Variants in KIAA1671 observed in about 807,000 individuals in gnomAD.
The protein encoded by KIAA1671 is uncharacterized protein KIAA1671.
A neutral mutation model predicts 131.2 loss-of-function variants in KIAA1671; 52 were observed. That is an observed-to-expected ratio of 0.40 (90% CI 0.32 to 0.50). The LOEUF is 0.50. KIAA1671 is among the 20% of genes least tolerant of loss of function. The pLI is 0.73. For synonymous variants in KIAA1671, 1,003 were observed against 961.6 expected, an observed-to-expected ratio of 1.04 and a Z score of -0.80; for missense variants, 2,360 against 2,364.2, an observed-to-expected ratio of 1.00 and a Z score of 0.04.
chr22:25,042,613 C>T (rs1927000400), intron 5 of KIAA1671, among the ~76,000 whole-genome samples: 2 of 151,744 alleles, frequency 1.3e-5, no homozygotes, highest in South Asian at 2.1e-4. Flanking sequence ...ATTACAGGAG[C>T]CCGCCATCAT....
chr22:25,041,352 G>A lies in KIAA1671; in HGVS notation c.4222G>A (p.Ala1408Thr). ...CGRVPLDIKR[A>T]YSEKGPPANI... ...ACGGGTGCCGCTGGATATCAAGAGG[G>A]CCTACTCAGAGAAGGGGCCCCCTGC... is the stretch of plus-strand genomic sequence containing the variant. The change falls in exon 5 of 13, where the codon GCC becomes ACC. Residue 1408 changes from alanine to threonine, a missense_variant. By Grantham distance (58) the Ala-to-Thr change is moderately conservative. Coordinates refer to ENST00000358431, the MANE Select transcript of KIAA1671 (RefSeq NM_001145206.2). 1 of 1,551,710 alleles carries A rather than the reference G, an allele frequency of 6.4e-7. No homozygotes were observed. Among genetic ancestry groups the A allele is most frequent in the Non-Finnish European group, 8.7e-7 (1 of 1,147,010 alleles).
Position 25,041,380 on chromosome 22 carries a change from A to G in KIAA1671, c.4250A>G (p.Asn1417Ser). 3 of 1,551,730 alleles carry G rather than the reference A, an allele frequency of 1.9e-6. No individual in the cohort carries two copies. The highest frequency in any genetic ancestry group is 1.2e-5 in the South Asian group (1 of 84,064). ...TACTCAGAGAAGGGGCCCCCTGCCA[A>G]CATCCGAGAGGGCCTGTCCATCATG... ...RAYSEKGPPA[N>S]IREGLSIMHE... Residue 1417 changes from asparagine to serine, a missense_variant, in exon 5 of 13, where the codon AAC becomes AGC. By Grantham distance (46) the Asn-to-Ser change is conservative. Coordinates refer to ENST00000358431, the MANE Select transcript of KIAA1671 (RefSeq NM_001145206.2).
chr22:25,126,002 G>A (rs1391019853), intron 6 of KIAA1671, among the ~76,000 whole-genome samples: 2 of 152,210 alleles, frequency 1.3e-5, no homozygotes, highest in Admixed American at 6.5e-5. Context: ...TCAGTTCACG[G>A]AGTTGTTACG....
At chr22:25,093,752 C>CTCTCTCTCTT (rs1930191478) in intron 6 of KIAA1671, among the ~76,000 whole-genome samples, 1 of 54,352 alleles carries the variant, frequency 1.8e-5, no homozygotes, top group African/African-American at 1.0e-4. Flanking sequence ...CTCTCTCTCT[C>CTCTCTCTCTT]TCTCTCTCTC....
chr22:24,958,265 A>T (rs1473730718), intron 1 of KIAA1671, among the ~76,000 whole-genome samples: 1 of 152,096 alleles, frequency 6.6e-6, no homozygotes, highest in Non-Finnish European at 1.5e-5. Context: ...CCTGTCTGTA[A>T]TCCCAGCGCT....
intron 1 of KIAA1671, among the ~76,000 whole-genome samples, chr22:24,957,068 T>C (rs1214211971): frequency 2.6e-5 from 4 of 152,156 alleles, no homozygotes; most frequent in Non-Finnish European, 2.9e-5. Flanking sequence ...TGAAGCAGTG[T>C]ATGGACAGTG....
chr22:25,026,574 C>T (rs912550962), intron 2 of KIAA1671, among the ~76,000 whole-genome samples: 213 of 152,148 alleles, frequency 1.4e-3, no homozygotes, highest in African/African-American at 5.0e-3. Flanking sequence ...CTACTAAAAC[C>T]ACAAAATTAC....
At chr22:24,990,242 C>T (rs954412632) in intron 1 of KIAA1671, among the ~76,000 whole-genome samples, 2 of 152,150 alleles carry the variant, frequency 1.3e-5, no homozygotes, top group African/African-American at 4.8e-5. Context: ...AGGCACCCGC[C>T]ATCATCCCTG....
chr22:25,104,191 C>T (rs1044746421), intron 6 of KIAA1671, among the ~76,000 whole-genome samples: 3 of 151,942 alleles, frequency 2.0e-5, no homozygotes, highest in Admixed American at 6.5e-5. Context: ...GTTGGCCAGG[C>T]TGGTCTCGAA....
intron 1 of KIAA1671, among the ~76,000 whole-genome samples, chr22:24,988,652 C>T (rs899315903): frequency 1.4e-5 from 2 of 147,980 alleles, no homozygotes; most frequent in Admixed American, 6.9e-5. Context: ...AAGAGAATCT[C>T]TTGAACCTGG....
chr22:25,158,984 G>T (rs1933342431), intron 6 of KIAA1671, among the ~76,000 whole-genome samples: 1 of 152,130 alleles, frequency 6.6e-6, no homozygotes, highest in Non-Finnish European at 1.5e-5. Flanking sequence ...CGCTTCTTAG[G>T]TGTTTGTGGC....
In KIAA1671 at chr22:25,195,870, T is replaced by C. The variant is rs914241728; in HGVS notation, c.*3469T>C. ...ACATTCTGTGGTCTCTGAATGTGCC[T>C]TCCCCCTCACCGTGTGTTAAAACAC... On this transcript the variant is annotated 3_prime_UTR_variant, in exon 13 of 13. Coordinates refer to ENST00000358431, the MANE Select transcript of KIAA1671 (RefSeq NM_001145206.2). 1 of 152,158 alleles carries C rather than the reference T, an allele frequency of 6.6e-6. No homozygotes were observed. Among genetic ancestry groups the C allele is most frequent in the Non-Finnish European group, 1.5e-5 (1 of 68,038 alleles). The allele number at this position is 152,158 out of a possible 1,614,324, so 9.4% of individuals were successfully genotyped here.
At chr22:25,079,180 GT>G (rs1825536767) in intron 6 of KIAA1671, among the ~76,000 whole-genome samples, 3 of 152,014 alleles carry the variant, frequency 2.0e-5, no homozygotes, top group South Asian at 4.2e-4. Context: ...TGTTCTAAAG[GT>G]TTGGGATACA....
rs569108157 is a variant in KIAA1671, at chr22:25,096,393, G to A, written c.4530+47029G>A. Among the ~76,000 whole-genome samples, 9 of 152,258 alleles carry A rather than the reference G, an allele frequency of 5.9e-5. No homozygotes were observed. In the East Asian group the frequency reaches 1.4e-3, roughly 23 times the overall value. On this transcript the variant is annotated intron_variant, in intron 6 of 12. Coordinates refer to ENST00000358431, the MANE Select transcript of KIAA1671 (RefSeq NM_001145206.2). ...GTAGCTGAGGAGCCTGGTCTCACTCGTCCTCAGCTACGTAGGAGTGGACAG... is the reference window on the plus strand; with the variant it reads ...GTAGCTGAGGAGCCTGGTCTCACTCATCCTCAGCTACGTAGGAGTGGACAG...
chr22:25,116,975 G>C (rs555766702), intron 6 of KIAA1671, among the ~76,000 whole-genome samples: 1 of 152,268 alleles, frequency 6.6e-6, no homozygotes, highest in African/African-American at 2.4e-5. Flanking sequence ...GATATATTGG[G>C]CTACATAATT....
At chr22:25,094,797 T>C (rs1930319103) in intron 6 of KIAA1671, among the ~76,000 whole-genome samples, 1 of 152,080 alleles carries the variant, frequency 6.6e-6, no homozygotes, top group Non-Finnish European at 1.5e-5. Flanking sequence ...CGACTTTGTG[T>C]TTTCATGAGC....
At chr22:24,957,895 C>G (rs1921799716) in intron 1 of KIAA1671, among the ~76,000 whole-genome samples, 1 of 150,286 alleles carries the variant, frequency 6.7e-6, no homozygotes, top group Non-Finnish European at 1.5e-5. Context: ...TCAGGCTGGT[C>G]TCGAACTCTC....
At chr22:25,154,316 A>T (rs994164794) in intron 6 of KIAA1671, among the ~76,000 whole-genome samples, 1 of 152,178 alleles carries the variant, frequency 6.6e-6, no homozygotes, top group Admixed American at 6.5e-5. Context: ...AGCTCACCAG[A>T]TTGCTCTGAT....
At chr22:25,054,045 A>G (rs1356126596) in intron 6 of KIAA1671, 1 of 151,600 alleles carries the variant, frequency 6.6e-6, no homozygotes, top group Non-Finnish European at 1.5e-5. Context: ...AAAAAAAAAA[A>G]AAAAAAAAGA....
Sources: gnomAD v4.1 joint callset for allele counts (sites outside exome capture counted in the v4.1 genomes callset) on GRCh38, gnomAD v4.1.1 for gene constraint, MANE v1.5 for transcripts, NCBI Gene and HGNC (gene_info 2026-07-23, HGNC 2026-07-21) for gene names.